The following ASZ1 variants were observed in gnomAD, a reference collection of about 807,000 sequenced individuals.
The protein encoded by ASZ1 is ankyrin repeat, SAM and basic leucine zipper domain-containing protein 1.
ASZ1 carries 67 observed loss-of-function variants against 61.8 expected under a neutral mutation model. That is an observed-to-expected ratio of 1.08 (90% CI 0.89 to 1.33). ASZ1 has a LOEUF of 1.33. ASZ1 is among the 40% of genes most tolerant of loss of function. ASZ1 has a pLI of 0.00. For synonymous variants in ASZ1, 193 were observed against 192.7 expected (o/e 1.00, Z -0.01); for missense variants, 577 against 554.5 (o/e 1.04, Z -0.41).
At chr7:117,401,568 G>A (rs1159368995) in intron 4 of ASZ1, among the ~76,000 whole-genome samples, 1 of 152,080 alleles carries the variant, frequency 6.6e-6, no homozygotes, top group East Asian at 1.9e-4. Flanking sequence ...CAACAAATGA[G>A]ACATAGAGTT....
chr7:117,397,235 C>A (rs1796593467), intron 4 of ASZ1, among the ~76,000 whole-genome samples: 1 of 151,772 alleles, frequency 6.6e-6, no homozygotes, highest in African/African-American at 2.4e-5. Context: ...CGAACCGAAC[C>A]GAACCGAACC....
chr7:117,372,457 ACT>A (rs1796066202), intron 10 of ASZ1, among the ~76,000 whole-genome samples: 1 of 152,150 alleles, frequency 6.6e-6, no homozygotes, highest in Non-Finnish European at 1.5e-5. Context: ...CCTCCAGCCT[ACT>A]CTCAGAATGA....
chr7:117,402,965 G>A (rs1796708946), intron 4 of ASZ1, among the ~76,000 whole-genome samples: 12 of 151,798 alleles, frequency 7.9e-5, no homozygotes, highest in Admixed American at 7.2e-4. Flanking sequence ...AAAAGACTTA[G>A]CATGATATCA....
chr7:117,408,071 T>C (rs1562857793), intron 4 of ASZ1, among the ~76,000 whole-genome samples: 1 of 152,016 alleles, frequency 6.6e-6, no homozygotes, highest in African/African-American at 2.4e-5. Context: ...CAGTTTAGGG[T>C]TTTTTATGAA....
In ASZ1 at chr7:117,385,820, G is replaced by C. The variant is rs1229133861; in HGVS notation, c.441-11C>G. ...GGGGTCATAAGTCTCCTAAGGAGGA[G>C]GAAGAAAGGAAACATTTGTGTTAAT... is the stretch of plus-strand genomic sequence containing the variant. On this transcript the variant is annotated splice_polypyrimidine_tract_variant and intron_variant, in intron 4 of 12. Coordinates refer to ENST00000284629, the MANE Select transcript of ASZ1 (RefSeq NM_130768.3). 1 of 1,579,246 alleles carries C rather than the reference G, an allele frequency of 6.3e-7. No individual in the cohort carries two copies. Among genetic ancestry groups the C allele is most frequent in the Non-Finnish European group, 8.7e-7 (1 of 1,150,318 alleles).
At chr7:117,397,983 A>C (rs1411126746) in intron 4 of ASZ1, among the ~76,000 whole-genome samples, 1 of 152,226 alleles carries the variant, frequency 6.6e-6, no homozygotes, top group Non-Finnish European at 1.5e-5. Context: ...GCCAATAGGG[A>C]CCTCAAAAAG....
chr7:117,411,334 AATG>A (rs1796885557), intron 4 of ASZ1, among the ~76,000 whole-genome samples: 3 of 151,948 alleles, frequency 2.0e-5, no homozygotes, highest in Admixed American at 1.3e-4. Context: ...TAAATTTTAA[AATG>A]ATAATGGGGC....
chr7:117,383,086 A>G lies in ASZ1; in HGVS notation c.712T>C (p.Leu238=). 1 of 1,567,220 alleles carries G rather than the reference A, an allele frequency of 6.4e-7. No individual in the cohort carries two copies. Among genetic ancestry groups the G allele is most frequent in the Non-Finnish European group, 8.6e-7 (1 of 1,160,702 alleles). Residue 238 remains leucine (L), a synonymous_variant, in exon 7 of 13, where the codon TTA becomes CTA. Coordinates refer to ENST00000284629, the MANE Select transcript of ASZ1 (RefSeq NM_130768.3). ...HEIFNLLSFT[L]NPLEGKLQQL... ...TGAAGTTTTCCTTCCAATGGATTTA[A>G]AGTAAAAGAAAGTAAGTTGAAGATC... is the stretch of plus-strand genomic sequence containing the variant.
intron 10 of ASZ1, among the ~76,000 whole-genome samples, chr7:117,378,937 G>A (rs181138988): frequency 6.6e-6 from 1 of 151,228 alleles, no homozygotes; most frequent in Non-Finnish European, 1.5e-5. Flanking sequence ...ATCTCAAAAG[G>A]ATATATACTG....
intron 12 of ASZ1, among the ~76,000 whole-genome samples, chr7:117,365,963 C>T (rs1160763463): frequency 6.6e-6 from 1 of 152,226 alleles, no homozygotes; most frequent in Non-Finnish European, 1.5e-5. Flanking sequence ...TTTCTTCTCA[C>T]TTTAAAAGAC....
chr7:117,371,813 G>C (rs1282963084), intron 10 of ASZ1, among the ~76,000 whole-genome samples: 1 of 152,038 alleles, frequency 6.6e-6, no homozygotes, highest in African/African-American at 2.4e-5. Flanking sequence ...ATTATCATTG[G>C]AAGTATCAAC....
Position 117,385,743 on chromosome 7 carries a change from A to G in ASZ1, c.507T>C (p.Val169=). 2 of 1,613,514 alleles carry G rather than the reference A, an allele frequency of 1.2e-6. No individual in the cohort carries two copies. The highest frequency in any genetic ancestry group is 1.7e-6 in the Non-Finnish European group (2 of 1,179,546). The part of the protein sequence containing the change: ...DGHTQVVALL[V]AHGAEVNTQD... ...GGGTATTAACTTCTGCTCCATGAGC[A>G]ACAAGGAGAGCAACAACCTGGGTGT... Residue 169 remains valine, a synonymous_variant, in exon 5 of 13, where the codon GTT becomes GTC. Coordinates refer to ENST00000284629, the MANE Select transcript of ASZ1 (RefSeq NM_130768.3).
intron 10 of ASZ1, among the ~76,000 whole-genome samples, chr7:117,371,084 C>T (rs1223201377): frequency 6.6e-6 from 1 of 152,138 alleles, no homozygotes; most frequent in Non-Finnish European, 1.5e-5. Context: ...CTCAGCCTCC[C>T]AAAGTGCTAA....
chr7:117,420,615 T>C (rs562457034), intron 3 of ASZ1, among the ~76,000 whole-genome samples: 2 of 152,360 alleles, frequency 1.3e-5, no homozygotes, highest in African/African-American at 4.8e-5. Flanking sequence ...AAACTCATGT[T>C]TGGGAAACAA....
intron 4 of ASZ1, among the ~76,000 whole-genome samples, chr7:117,397,669 G>C (rs1225735893): frequency 1.3e-5 from 2 of 152,150 alleles, no homozygotes; most frequent in South Asian, 2.1e-4. Flanking sequence ...AAAACACCTG[G>C]GTCTGAAGGC....
chr7:117,379,168 T>TATACACACACACAC lies in ASZ1; in HGVS notation c.1055+769_1055+770insGTGTGTGTGTGTAT, dbSNP rs1161457624. On this transcript the variant is annotated intron_variant, in intron 10 of 12. Transcript: ENST00000284629. ...ATATATATATATATATATATATATA[T>TATACACACACACAC]ACACACACACACACACACACACACA... is the stretch of plus-strand genomic sequence containing the variant. Among the ~76,000 whole-genome samples, 110 of 69,662 alleles carry TATACACACACACAC rather than the reference T, an allele frequency of 1.6e-3. 1 individual carries two copies. The highest frequency in any genetic ancestry group is 5.5e-3 in the African/African-American group (101 of 18,288). The allele number at this position is 69,662 out of a possible 152,430, so 45.7% of individuals were successfully genotyped here.
At chr7:117,426,486 C>T (rs1309401125) in intron 2 of ASZ1, among the ~76,000 whole-genome samples, 16 of 21,924 alleles carry the variant, frequency 7.3e-4, no homozygotes, top group Admixed American at 1.1e-3. Context: ...AAGATAACAT[C>T]TCAAAAAAAA....
At chr7:117,387,649 T>C (rs1796386730) in intron 4 of ASZ1, among the ~76,000 whole-genome samples, 1 of 152,190 alleles carries the variant, frequency 6.6e-6, no homozygotes, top group African/African-American at 2.4e-5. Flanking sequence ...CTGATCACTT[T>C]TCATCACCTC....
chr7:117,409,529 A>G (rs1461131606), intron 4 of ASZ1, among the ~76,000 whole-genome samples: 2 of 151,910 alleles, frequency 1.3e-5, no homozygotes, highest in Non-Finnish European at 2.9e-5. Flanking sequence ...CTATATGTTC[A>G]GGAAGAACAC....
Sources: allele counts gnomAD v4.1 joint callset (sites outside exome capture counted in the v4.1 genomes callset), GRCh38; gene constraint gnomAD v4.1.1; transcripts MANE v1.5; gene names NCBI Gene and HGNC (gene_info 2026-07-23, HGNC 2026-07-21).